SH3RF3: variants seen among roughly 807,000 people sequenced by gnomAD.
SH3RF3 encodes SH3 domain containing ring finger 3, also known as E3 ubiquitin-protein ligase SH3RF3.
SH3RF3 carries 29 observed loss-of-function variants against 66.3 expected under a neutral mutation model. The observed-to-expected ratio is 0.44, with a 90% CI of 0.33 to 0.60. SH3RF3 has a LOEUF of 0.60. SH3RF3 is among the 20% of genes least tolerant of loss of function. SH3RF3 has a pLI of 0.04. For missense variants in SH3RF3, 1,194 were observed against 1,190.9 expected (o/e 1.00, Z -0.04); for synonymous variants, 583 against 532.0 (o/e 1.10, Z -1.32).
At chr2:109,314,007 T>C (rs12472919) in intron 1 of SH3RF3, among the ~76,000 whole-genome samples, 17,532 of 151,468 alleles carry the variant, frequency 0.12, 1,243 homozygotes, top group East Asian at 0.27. Flanking sequence ...CAAGAAGGAG[T>C]ACCAGGCTGT....
At chr2:109,285,373 C>T (rs1348167559) in intron 1 of SH3RF3, among the ~76,000 whole-genome samples, 1 of 152,232 alleles carries the variant, frequency 6.6e-6, no homozygotes, top group Non-Finnish European at 1.5e-5. Flanking sequence ...TGCCTTTCCA[C>T]GGCCAACGCA....
intron 1 of SH3RF3, among the ~76,000 whole-genome samples, chr2:109,156,532 A>G (rs1167081964): frequency 6.6e-6 from 1 of 150,712 alleles, no homozygotes; most frequent in African/African-American, 2.4e-5. Flanking sequence ...TGCAGCCTTT[A>G]CCTCCTGAGT....
chr2:109,385,161 C>G (rs7602250), intron 3 of SH3RF3, among the ~76,000 whole-genome samples: 1,598 of 152,328 alleles, frequency 0.01, 18 homozygotes, highest in Middle Eastern at 0.037. Flanking sequence ...AGCTCTGGCT[C>G]TCTCTGTCAC....
chr2:109,411,965 T>A (rs1298431138), intron 4 of SH3RF3, among the ~76,000 whole-genome samples: 1 of 152,230 alleles, frequency 6.6e-6, no homozygotes, highest in Non-Finnish European at 1.5e-5. Context: ...AGGGACAGCC[T>A]GTGTCAGGGT....
chr2:109,182,556 A>G (rs546612550), intron 1 of SH3RF3, among the ~76,000 whole-genome samples: 1 of 152,258 alleles, frequency 6.6e-6, no homozygotes, highest in East Asian at 1.9e-4. Flanking sequence ...CATAGAAAGC[A>G]CATGGAACTT....
At chr2:109,477,955 T>C (rs932959934) in intron 8 of SH3RF3, among the ~76,000 whole-genome samples, 1 of 152,186 alleles carries the variant, frequency 6.6e-6, no homozygotes, top group Non-Finnish European at 1.5e-5. Flanking sequence ...TGCCCTGCCT[T>C]TGCTGGAGGG....
At chr2:109,239,631 G>A (rs1431463194) in intron 1 of SH3RF3, among the ~76,000 whole-genome samples, 1 of 152,126 alleles carries the variant, frequency 6.6e-6, no homozygotes, top group Non-Finnish European at 1.5e-5. Context: ...AGGATAACAG[G>A]GAGGAAAGAG....
At chr2:109,311,475 G>T (rs1681721135) in intron 1 of SH3RF3, among the ~76,000 whole-genome samples, 2 of 149,068 alleles carry the variant, frequency 1.3e-5, no homozygotes, top group African/African-American at 2.5e-5. Context: ...TCAACATAGT[G>T]TTGGAAGTTC....
intron 8 of SH3RF3, among the ~76,000 whole-genome samples, chr2:109,487,604 C>T (rs1433857835): frequency 6.6e-6 from 1 of 152,238 alleles, no homozygotes; most frequent in Non-Finnish European, 1.5e-5. Flanking sequence ...CCCACCCTTT[C>T]CAAAGCAGAC....
At chr2:109,452,175 A>G (rs13388833) in intron 8 of SH3RF3, among the ~76,000 whole-genome samples, 12,859 of 152,234 alleles carry the variant, frequency 0.084, 730 homozygotes, top group African/African-American at 0.16. Flanking sequence ...AATGATGGTC[A>G]TTTTAGTCCA....
chr2:109,492,594 C>T (rs1480930333), intron 9 of SH3RF3, among the ~76,000 whole-genome samples: 1 of 151,936 alleles, frequency 6.6e-6, no homozygotes, highest in Non-Finnish European at 1.5e-5. Context: ...AACCTTCCCA[C>T]GAACCCTATG....
chr2:109,286,230 G>C (rs980214017), intron 1 of SH3RF3, among the ~76,000 whole-genome samples: 3 of 152,228 alleles, frequency 2.0e-5, no homozygotes, highest in Non-Finnish European at 4.4e-5. Context: ...GCAGCATTCT[G>C]TTTCTCTGAG....
rs1403963105 is a variant in SH3RF3 at position 109,181,175 on chromosome 2, T to A, written c.573+51062T>A. ...TTGGTGTTGGACTTCTGTGTCAGAGTTTTTCAAATAAACCTGTTATTTGGG... is the reference window on the plus strand; with the variant it reads ...TTGGTGTTGGACTTCTGTGTCAGAGATTTTCAAATAAACCTGTTATTTGGG... On this transcript the variant is annotated intron_variant, in intron 1 of 9. Transcript: ENST00000309415. Among the ~76,000 whole-genome samples, 10 of 152,194 alleles carry A rather than the reference T, an allele frequency of 6.6e-5. No homozygotes were observed. In the South Asian group the frequency reaches 1.0e-3, roughly 16 times the overall value.
At chr2:109,285,436 C>T (rs1358087472) in intron 1 of SH3RF3, among the ~76,000 whole-genome samples, 3 of 152,230 alleles carry the variant, frequency 2.0e-5, no homozygotes, top group Admixed American at 2.0e-4. Flanking sequence ...TTCTCCAGTG[C>T]AGTGTGCCTG....
intron 5 of SH3RF3, among the ~76,000 whole-genome samples, chr2:109,419,898 A>G (rs1028202007): frequency 6.6e-6 from 1 of 152,222 alleles, no homozygotes; most frequent in Non-Finnish European, 1.5e-5. Context: ...TGCAGTTCCC[A>G]GTCAACAGGA....
rs147241106 is a variant in SH3RF3, at chr2:109,272,630, G to T, written c.574-75044G>T. 1.5e-4 allele frequency among the ~76,000 whole-genome samples: 23 copies of T among 152,334 alleles called. No individual in the cohort carries two copies. In the East Asian group the frequency reaches 4.2e-3, roughly 28 times the overall value. On this transcript the variant is annotated intron_variant, in intron 1 of 9. Transcript: ENST00000309415. Reference sequence around the variant, plus strand: ...AGGCGAGTGGTGAGCACATGCTTCCGCACAGACACAGCTGCCAACGGTCCT... The same window carrying T: ...AGGCGAGTGGTGAGCACATGCTTCCTCACAGACACAGCTGCCAACGGTCCT...
intron 1 of SH3RF3, among the ~76,000 whole-genome samples, chr2:109,330,534 G>A (rs1574577677): frequency 6.6e-6 from 1 of 152,308 alleles, no homozygotes; most frequent in South Asian, 2.1e-4. Context: ...TAGATGTCTA[G>A]TACCTCACAC....
At chr2:109,421,529 C>A (rs1559074588) in intron 5 of SH3RF3, among the ~76,000 whole-genome samples, 2 of 152,224 alleles carry the variant, frequency 1.3e-5, no homozygotes, top group Non-Finnish European at 2.9e-5. Context: ...CATGGACAAA[C>A]CTCCATGTCC....
chr2:109,306,474 G>A (rs1681600829), intron 1 of SH3RF3, among the ~76,000 whole-genome samples: 1 of 152,208 alleles, frequency 6.6e-6, no homozygotes, highest in Non-Finnish European at 1.5e-5. Flanking sequence ...AGGTATGGGA[G>A]CAGAGCAGGT....
Sources: allele counts gnomAD v4.1 joint callset (sites outside exome capture counted in the v4.1 genomes callset), GRCh38; gene constraint gnomAD v4.1.1; transcripts MANE v1.5; gene names NCBI Gene and HGNC (gene_info 2026-07-23, HGNC 2026-07-21).